ZNF131: variants seen among roughly 807,000 people sequenced by gnomAD.
The protein encoded by ZNF131 is zinc finger protein 131.
Under a neutral mutation model 60.0 loss-of-function variants are expected in ZNF131, and 7 were observed. The observed-to-expected ratio is 0.12, with a 90% CI of 0.07 to 0.22. ZNF131 has a LOEUF of 0.22. Among genes scored for constraint, ZNF131 ranks in the 10% least tolerant of loss-of-function variants. ZNF131 has a pLI of 1.00. For missense variants in ZNF131, 493 were observed against 740.9 expected (o/e 0.67, Z 3.88); for synonymous variants, 257 against 253.2 (o/e 1.01, Z -0.14).
At chr5:43,155,394 G>T (rs566288219) in intron 4 of ZNF131, among the ~76,000 whole-genome samples, 1 of 152,286 alleles carries the variant, frequency 6.6e-6, no homozygotes, top group South Asian at 2.1e-4. Flanking sequence ...CAGATTTGGT[G>T]TACCTTGGGA....
At chr5:43,130,900 G>T (rs1435727741) in intron 3 of ZNF131, among the ~76,000 whole-genome samples, 1 of 149,256 alleles carries the variant, frequency 6.7e-6, no homozygotes, top group Non-Finnish European at 1.5e-5. Flanking sequence ...GTCTCACTCT[G>T]CCACCCAGGC....
intron 3 of ZNF131, among the ~76,000 whole-genome samples, chr5:43,138,537 A>G (rs999913942): frequency 6.6e-6 from 1 of 152,190 alleles, no homozygotes; most frequent in African/African-American, 2.4e-5. Flanking sequence ...CTGTAATCCC[A>G]GCAGCTCGGG....
At chr5:43,169,429 A>G (rs1750718253) in intron 5 of ZNF131, among the ~76,000 whole-genome samples, 1 of 152,194 alleles carries the variant, frequency 6.6e-6, no homozygotes. Flanking sequence ...AACTACTGCT[A>G]TCCTTTTCTG....
At chr5:43,159,941 C>G (rs1749439435) in intron 4 of ZNF131, among the ~76,000 whole-genome samples, 1 of 152,088 alleles carries the variant, frequency 6.6e-6, no homozygotes, top group Non-Finnish European at 1.5e-5. Context: ...TTGGGGGAGG[C>G]CAAGGCGGGC....
intron 4 of ZNF131, among the ~76,000 whole-genome samples, chr5:43,144,438 C>T (rs934852380): frequency 2.6e-5 from 4 of 151,906 alleles, no homozygotes; most frequent in South Asian, 4.2e-4. Flanking sequence ...CCATGTTGGC[C>T]AAGCTGGTCT....
At chr5:43,123,391 A>C in intron 3 of ZNF131, 81 bp downstream of exon 3, 1 of 1,234,496 alleles carries the variant, frequency 8.1e-7, no homozygotes, top group Non-Finnish European at 1.1e-6. Flanking sequence ...TACAATACTT[A>C]GCAAACAATT....
In ZNF131 at chr5:43,121,108, G is replaced by A. The variant is rs116778254; in HGVS notation, c.-31G>A. 0.014 allele frequency: 2,097 copies of A among 151,558 alleles called. 42 individuals are homozygous for A. Among genetic ancestry groups the A allele is most frequent in the African/African-American group, 0.048 (1,998 of 41,270 alleles). The allele number at this position is 151,558 out of a possible 1,614,324, so 9.4% of individuals were successfully genotyped here. ...CTCTGAGGGACGGAGAGGAAGGAGG[G>A]CGACCCACGAGCTAGGTAAGGCGGG... On this transcript the variant is annotated 5_prime_UTR_variant, in exon 1 of 7. Coordinates refer to ENST00000682664, the MANE Select transcript of ZNF131 (RefSeq NM_001330707.2).
intron 4 of ZNF131, among the ~76,000 whole-genome samples, chr5:43,147,971 T>C (rs2111667727): frequency 6.6e-6 from 1 of 150,786 alleles, no homozygotes; most frequent in African/African-American, 2.4e-5. Context: ...GGAGAATCAC[T>C]TGAACTTGGG....
rs183570018 is a variant in ZNF131, at chr5:43,135,708, G to A, written c.227-3457G>A. Among the ~76,000 whole-genome samples the A allele has an allele frequency of 3.7e-3, 565 of 152,280 alleles. 4 individuals carry two copies. Among genetic ancestry groups the A allele is most frequent in the Non-Finnish European group, 3.7e-3 (250 of 68,014 alleles). ...TGCACTCGAGCCTGGGCGACAGAGC[G>A]AGACTCCGTCTCAAAAAAGAAAAAA... On this transcript the variant is annotated intron_variant, in intron 3 of 6. Transcript: ENST00000682664.
intron 5 of ZNF131, 125 bp downstream of exon 5, chr5:43,162,056 C>T: frequency 1.1e-6 from 1 of 892,910 alleles, no homozygotes; most frequent in Non-Finnish European, 1.7e-6. Context: ...AATGTGTAGG[C>T]TAAGTACACG....
intron 3 of ZNF131, among the ~76,000 whole-genome samples, chr5:43,133,417 G>C (rs1368269692): frequency 6.6e-6 from 1 of 152,162 alleles, no homozygotes; most frequent in Non-Finnish European, 1.5e-5. Context: ...AGTGAGTCGA[G>C]ATCACGCCAT....
At chr5:43,150,476 T>C (rs1748161569) in intron 4 of ZNF131, among the ~76,000 whole-genome samples, 1 of 152,168 alleles carries the variant, frequency 6.6e-6, no homozygotes, top group Non-Finnish European at 1.5e-5. Flanking sequence ...CTTTAGCCGC[T>C]CTGATTAATC....
At chr5:43,133,545 G>A (rs776472150) in intron 3 of ZNF131, among the ~76,000 whole-genome samples, 1 of 152,172 alleles carries the variant, frequency 6.6e-6, no homozygotes, top group Admixed American at 6.6e-5. Context: ...AGGAAGCACT[G>A]TTAGGTACTG....
chr5:43,140,863 G>A (rs1488748464), intron 4 of ZNF131, among the ~76,000 whole-genome samples: 1 of 152,028 alleles, frequency 6.6e-6, no homozygotes, highest in African/African-American at 2.4e-5. Flanking sequence ...GATTACAGGT[G>A]CCTGCCACCA....
chr5:43,166,698 C>T (rs1217691066), intron 5 of ZNF131, among the ~76,000 whole-genome samples: 1 of 151,832 alleles, frequency 6.6e-6, no homozygotes, highest in Non-Finnish European at 1.5e-5. Flanking sequence ...CTCTGTCGCC[C>T]AGACTGGAGT....
intron 6 of ZNF131, among the ~76,000 whole-genome samples, chr5:43,173,783 TCAAA>T (rs1405657159): frequency 6.6e-6 from 1 of 152,074 alleles, no homozygotes; most frequent in African/African-American, 2.4e-5. Flanking sequence ...ATATCAAATA[TCAAA>T]CAATTATTAC....
chr5:43,145,865 C>T (rs973676710), intron 4 of ZNF131, among the ~76,000 whole-genome samples: 9 of 152,006 alleles, frequency 5.9e-5, no homozygotes, highest in Admixed American at 6.6e-5. Flanking sequence ...TTTGTGTTAC[C>T]GATACCAGAC....
rs146484506 is a variant in ZNF131, at chr5:43,141,493, C to T, written c.371+2184C>T. On this transcript the variant is annotated intron_variant, in intron 4 of 6. Coordinates refer to ENST00000682664, the MANE Select transcript of ZNF131 (RefSeq NM_001330707.2). ...TTCAAGACTGGGATCCCAAGCCTGG[C>T]GCAGTGGCTGATACTTGTAATCCCA... is the stretch of plus-strand genomic sequence containing the variant. 6.0e-4 allele frequency among the ~76,000 whole-genome samples: 92 copies of T among 152,134 alleles called. No individual in the cohort carries two copies. In the East Asian group the frequency reaches 0.014, roughly 23 times the overall value.
chr5:43,148,226 T>G (rs1252141809), intron 4 of ZNF131, among the ~76,000 whole-genome samples: 1 of 151,800 alleles, frequency 6.6e-6, no homozygotes, highest in Non-Finnish European at 1.5e-5. Flanking sequence ...AAAAAAAATT[T>G]TAACTAGCTA....
Sources: allele counts gnomAD v4.1 joint callset (sites outside exome capture counted in the v4.1 genomes callset), GRCh38; gene constraint gnomAD v4.1.1; transcripts MANE v1.5; gene names NCBI Gene and HGNC (gene_info 2026-07-23, HGNC 2026-07-21).